The following RASEF variants were observed in gnomAD, a reference collection of about 807,000 sequenced individuals.
The protein encoded by RASEF is RAS and EF-hand domain containing.
A neutral mutation model predicts 90.1 loss-of-function variants in RASEF; 68 were observed. That is an observed-to-expected ratio of 0.75 (90% CI 0.62 to 0.92). RASEF has a LOEUF of 0.92. Among genes scored for constraint, RASEF ranks in the 40% least tolerant of loss-of-function variants. RASEF has a pLI of 0.00. For synonymous variants in RASEF, 331 were observed against 345.2 expected (o/e 0.96, Z 0.46); for missense variants, 949 against 937.2 (o/e 1.01, Z -0.16).
rs908333352 is a variant in RASEF at position 83,028,591 on chromosome 9, T to A, written c.432-2670A>T. ...AGATGACAATAATCCTAGGCCTCAG[T>A]AACTGAAAAGCCATGCAGACAGCCA... is the stretch of plus-strand genomic sequence containing the variant. On this transcript the variant is annotated intron_variant, in intron 1 of 16. Transcript: ENST00000376447. 2.6e-5 allele frequency among the ~76,000 whole-genome samples: 4 copies of A among 152,190 alleles called. 1 individual carries two copies. Among genetic ancestry groups the A allele is most frequent in the African/African-American group, 4.8e-5 (2 of 41,444 alleles).
chr9:83,003,307 G>A (rs1193822741), intron 9 of RASEF, among the ~76,000 whole-genome samples: 1 of 152,124 alleles, frequency 6.6e-6, no homozygotes, highest in Non-Finnish European at 1.5e-5. Context: ...TGAGTGCTAC[G>A]TCACTCAAAC....
chr9:83,096,606 G>A, the RASEF span, among the ~76,000 whole-genome samples: 1 of 152,024 alleles, frequency 6.6e-6, no homozygotes, highest in Admixed American at 6.6e-5. Flanking sequence ...TCACCTACAG[G>A]GGGAAACAAG....
At chr9:83,093,856 C>T in the RASEF span, among the ~76,000 whole-genome samples, 3 of 152,208 alleles carry the variant, frequency 2.0e-5, no homozygotes, top group African/African-American at 2.4e-5. Context: ...ACTGCCAGCA[C>T]GCTGTCACCT....
intron 1 of RASEF, among the ~76,000 whole-genome samples, chr9:83,032,626 A>C (rs1016083389): frequency 2.0e-5 from 3 of 152,224 alleles, no homozygotes; most frequent in Non-Finnish European, 4.4e-5. Flanking sequence ...TGTTCAATAA[A>C]TTATATGATG....
chr9:83,063,468 C>T (rs57254984), upstream of RASEF, among the ~76,000 whole-genome samples: 8,318 of 152,272 alleles, frequency 0.055, 721 homozygotes, highest in African/African-American at 0.19. Context: ...TATTATCTTA[C>T]TCCCGAAACT....
the RASEF span, among the ~76,000 whole-genome samples, chr9:83,123,604 C>T: frequency 3.8e-5 from 5 of 130,282 alleles, no homozygotes. Flanking sequence ...AACCCTCCAA[C>T]AGATGCTTCC....
chr9:83,157,889 C>CT, the RASEF span, among the ~76,000 whole-genome samples: 1 of 152,118 alleles, frequency 6.6e-6, no homozygotes, highest in South Asian at 2.1e-4. Context: ...ACTTGAAAAC[C>CT]AGAAGATGCA....
chr9:83,006,592 G>A (rs1015806340), intron 7 of RASEF, among the ~76,000 whole-genome samples: 1 of 152,130 alleles, frequency 6.6e-6, no homozygotes, highest in African/African-American at 2.4e-5. Flanking sequence ...GAAAAGAAAG[G>A]GGAAGGAGAG....
chr9:83,015,937 G>A, intron 3 of RASEF, 37 bp from the exon 4 acceptor site: 1 of 1,505,728 alleles, frequency 6.6e-7, no homozygotes, highest in Non-Finnish European at 9.2e-7. Context: ...ATTTAAATAA[G>A]TTCACCCTCT....
the RASEF span, among the ~76,000 whole-genome samples, chr9:83,141,509 G>A: frequency 1.5e-4 from 23 of 152,282 alleles, no homozygotes; most frequent in African/African-American, 4.3e-4. Context: ...GCCCCTTCCC[G>A]AAAACAGCTG....
At chr9:82,998,016 T>C (rs565104980) in intron 13 of RASEF, among the ~76,000 whole-genome samples, 75 of 152,316 alleles carry the variant, frequency 4.9e-4, no homozygotes, top group African/African-American at 1.8e-3. Flanking sequence ...TGACTGGTTC[T>C]CTTCTCCATC....
chr9:83,095,722 C>G, the RASEF span, among the ~76,000 whole-genome samples: 1 of 151,908 alleles, frequency 6.6e-6, no homozygotes, highest in East Asian at 1.9e-4. Flanking sequence ...TTGCATTTAT[C>G]ACGTATTTTC....
intron 16 of RASEF, among the ~76,000 whole-genome samples, chr9:82,989,229 C>CGT (rs56871037): frequency 5.4e-4 from 81 of 151,394 alleles, no homozygotes; most frequent in African/African-American, 1.5e-3. Context: ...TGCATGTGTG[C>CGT]GTGTGTGTGT....
the RASEF span, among the ~76,000 whole-genome samples, chr9:83,192,714 TA>T: frequency 0.05 from 3,436 of 68,300 alleles, 94 homozygotes; most frequent in African/African-American, 0.14. Context: ...AAAATAATAG[TA>T]AAAAAAAAAA....
chr9:83,025,855 A>G lies in RASEF; in HGVS notation c.498T>C (p.Tyr166=). The G allele has an allele frequency of 1.2e-6, 2 of 1,614,004 alleles. No homozygotes were observed. Among genetic ancestry groups the G allele is most frequent in the Non-Finnish European group, 1.7e-6 (2 of 1,179,886 alleles). The change falls in exon 2 of 17, where the codon TAT becomes TAC. Residue 166 remains tyrosine (Y), a synonymous_variant. Transcript: ENST00000376447. ...GGATGAAGTTCTTTATAACATGTTC[A>G]TATGGCTGAATTAATCTTGGCTCCA... The part of the protein sequence containing the change: ...NLVEPRLIQP[Y]EHVIKNFIRE...
chr9:83,068,152 G>A (rs1035207225), upstream of RASEF, among the ~76,000 whole-genome samples: 6 of 152,234 alleles, frequency 3.9e-5, no homozygotes, highest in East Asian at 7.7e-4. Context: ...GATTACAGGC[G>A]TGAGCCGCCA....
At chr9:83,046,711 G>A (rs1829938321) in intron 1 of RASEF, among the ~76,000 whole-genome samples, 1 of 152,144 alleles carries the variant, frequency 6.6e-6, no homozygotes, top group Admixed American at 6.5e-5. Flanking sequence ...CTGTAATTCT[G>A]TTTGATAGAA....
chr9:83,003,321 C>T (rs996481435), intron 9 of RASEF, among the ~76,000 whole-genome samples: 9 of 152,174 alleles, frequency 5.9e-5, no homozygotes, highest in Middle Eastern at 3.2e-3. Flanking sequence ...CTCAAACATG[C>T]TGGGGACGTG....
the RASEF span, among the ~76,000 whole-genome samples, chr9:83,138,190 A>G: frequency 0.36 from 55,243 of 151,740 alleles, 11,487 homozygotes; most frequent in African/African-American, 0.57. Context: ...TTGTCCAAAT[A>G]ATCCCAGCAG....
Sources: gnomAD v4.1 joint callset for allele counts (sites outside exome capture counted in the v4.1 genomes callset) on GRCh38, gnomAD v4.1.1 for gene constraint, MANE v1.5 for transcripts, NCBI Gene and HGNC (gene_info 2026-07-23, HGNC 2026-07-21) for gene names.